Variants in LRRC53 observed in about 807,000 individuals in gnomAD.
The protein encoded by LRRC53 is leucine-rich repeat-containing protein 53.
Under a neutral mutation model 13.6 loss-of-function variants are expected in LRRC53, and 25 were observed. The observed-to-expected ratio is 1.83, with a 90% CI of 1.34 to 2.56. The LOEUF (loss-of-function observed/expected upper bound fraction) is 2.56. Ranked by LOEUF, LRRC53 falls within the 30% of genes most tolerant of loss-of-function variation. The pLI is 0.00. For missense variants in LRRC53, 527 were observed against 275.8 expected, an observed-to-expected ratio of 1.91 and a Z score of -6.45; for synonymous variants, 204 against 109.8, an observed-to-expected ratio of 1.86 and a Z score of -5.37.
At chr1:74,509,209 A>C (rs148756691) in intron 1 of LRRC53, among the ~76,000 whole-genome samples, 10 of 152,282 alleles carry the variant, frequency 6.6e-5, no homozygotes, top group African/African-American at 2.4e-4. Flanking sequence ...TTGATTGTCA[A>C]ATTTGACAGT....
rs1668160718 is a variant in LRRC53, at chr1:74,475,573, TC to T, written c.1141del (p.Glu381LysfsTer22). ...GSRKEMPLLQENSHQATSASE... is the reference protein window; with the variant it reads ...GSRKEMPLLQXNSHQATSASE... ...GGCCGATGTTGCTTGATGGCTATTT[TC>T]CTGTAAAAGTGGCATTTCTTTTCTG... On this transcript the variant is annotated frameshift_variant, in exon 4 of 5. Coordinates refer to ENST00000294635, the MANE Select transcript of LRRC53 (RefSeq NM_001382280.1). LOFTEE classifies it high-confidence loss of function. The T allele has an allele frequency of 1.3e-5, 9 of 717,440 alleles. No individual in the cohort carries two copies. The highest frequency in any genetic ancestry group is 2.3e-5 in the Non-Finnish European group (9 of 384,968). 44.4% of individuals were successfully genotyped at this position (717,440 alleles called of 1,614,324 possible). A position where few individuals can be genotyped will look rare whatever the true frequency, so the allele number is the denominator to read the frequency against.
chr1:74,483,632 A>C (rs750816342), intron 1 of LRRC53, among the ~76,000 whole-genome samples: 14 of 152,318 alleles, frequency 9.2e-5, no homozygotes, highest in Non-Finnish European at 1.9e-4. Flanking sequence ...AAATTAAGTT[A>C]CTTTGCAAAA....
At chr1:74,489,068 A>G (rs943966647) in intron 1 of LRRC53, 12 of 745,678 alleles carry the variant, frequency 1.6e-5, no homozygotes, top group Admixed American at 3.2e-5. Context: ...TGTATTTTAA[A>G]TAAAAATATA....
At chr1:74,533,526 T>G in the LRRC53 span, among the ~76,000 whole-genome samples, 1 of 152,118 alleles carries the variant, frequency 6.6e-6, no homozygotes, top group African/African-American at 2.4e-5. Context: ...GATCTAGAAC[T>G]AGAAATACCA....
At chr1:74,530,722 AG>A in the LRRC53 span, among the ~76,000 whole-genome samples, 3 of 118,232 alleles carry the variant, frequency 2.5e-5, no homozygotes, top group African/African-American at 3.8e-5. Context: ...GAACTCAAAA[AG>A]TTTTTTTTTT....
chr1:74,499,915 A>G (rs1472831200), intron 1 of LRRC53, among the ~76,000 whole-genome samples: 2 of 152,058 alleles, frequency 1.3e-5, no homozygotes, highest in African/African-American at 4.8e-5. Context: ...AATCGTTTGG[A>G]CTAATTGCAA....
intron 1 of LRRC53, among the ~76,000 whole-genome samples, chr1:74,491,573 T>G (rs776382127): frequency 1.3e-5 from 2 of 152,168 alleles, no homozygotes; most frequent in Non-Finnish European, 2.9e-5. Flanking sequence ...TCTGAAAAAC[T>G]ATCACATGGT....
chr1:74,476,513 T>C (rs910660240), intron 3 of LRRC53, among the ~76,000 whole-genome samples: 2 of 152,174 alleles, frequency 1.3e-5, no homozygotes, highest in African/African-American at 4.8e-5. Flanking sequence ...CTTTTAGTCC[T>C]GTTCAACATT....
chr1:74,487,576 G>T (rs1668830887), intron 1 of LRRC53, among the ~76,000 whole-genome samples: 1 of 152,076 alleles, frequency 6.6e-6, no homozygotes, highest in Non-Finnish European at 1.5e-5. Context: ...TTGAGGATGT[G>T]TGGAAGGGAG....
chr1:74,532,316 A>G, the LRRC53 span, among the ~76,000 whole-genome samples: 9 of 152,182 alleles, frequency 5.9e-5, no homozygotes, highest in Admixed American at 5.2e-4. Flanking sequence ...TCTGATTATA[A>G]GGGATGTTTC....
chr1:74,529,603 T>C, the LRRC53 span, among the ~76,000 whole-genome samples: 1 of 152,162 alleles, frequency 6.6e-6, no homozygotes, highest in Non-Finnish European at 1.5e-5. Flanking sequence ...AATCAAATGA[T>C]TGTATTTTGG....
At chr1:74,532,117 C>A in the LRRC53 span, among the ~76,000 whole-genome samples, 19 of 152,118 alleles carry the variant, frequency 1.2e-4, no homozygotes, top group African/African-American at 4.6e-4. Context: ...TCCATGCATG[C>A]AGCTTAAAAA....
At chr1:74,534,377 T>A in the LRRC53 span, among the ~76,000 whole-genome samples, 1 of 152,210 alleles carries the variant, frequency 6.6e-6, no homozygotes, top group African/African-American at 2.4e-5. Context: ...TGGAATGCAA[T>A]TCAGTCAGAA....
intron 3 of LRRC53, among the ~76,000 whole-genome samples, chr1:74,478,739 A>G (rs1221444963): frequency 6.6e-6 from 1 of 152,154 alleles, no homozygotes; most frequent in Non-Finnish European, 1.5e-5. Flanking sequence ...CCCACCATCT[A>G]TTGCCTATGC....
chr1:74,472,723 A>G (rs914496826), intron 4 of LRRC53, among the ~76,000 whole-genome samples: 1 of 152,292 alleles, frequency 6.6e-6, no homozygotes, highest in Admixed American at 6.5e-5. Flanking sequence ...TTTATTTCCC[A>G]TAACTTAATA....
the LRRC53 span, among the ~76,000 whole-genome samples, chr1:74,526,607 A>G: frequency 2.6e-5 from 4 of 152,344 alleles, no homozygotes; most frequent in Non-Finnish European, 4.4e-5. Context: ...CTACATGTCT[A>G]ATATGTGGTA....
At chr1:74,514,102 C>A (rs1646311298), upstream of LRRC53, among the ~76,000 whole-genome samples, 1 of 152,192 alleles carries the variant, frequency 6.6e-6, no homozygotes, top group Non-Finnish European at 1.5e-5. Context: ...TTTACCCAGG[C>A]ACACCAAAAT....
chr1:74,490,417 G>A (rs182690489), intron 1 of LRRC53, among the ~76,000 whole-genome samples: 66 of 152,188 alleles, frequency 4.3e-4, no homozygotes, highest in African/African-American at 1.5e-3. Flanking sequence ...AGTTTGCTTC[G>A]AGCCTAATGG....
chr1:74,502,278 C>T (rs889139218), intron 1 of LRRC53, among the ~76,000 whole-genome samples: 4 of 152,128 alleles, frequency 2.6e-5, no homozygotes, highest in Non-Finnish European at 4.4e-5. Flanking sequence ...TAGAACAGTG[C>T]CCGGTACATG....
Sources: allele counts gnomAD v4.1 joint callset (sites outside exome capture counted in the v4.1 genomes callset), GRCh38; gene constraint gnomAD v4.1.1; transcripts MANE v1.5; gene names NCBI Gene and HGNC (gene_info 2026-07-23, HGNC 2026-07-21).